Variants in TMEM132C observed in about 807,000 individuals in gnomAD.
The protein encoded by TMEM132C is transmembrane protein 132C.
TMEM132C carries 29 observed loss-of-function variants against 61.4 expected under a neutral mutation model. The ratio of observed to expected loss-of-function variants is 0.47; its 90% confidence interval spans 0.35 to 0.64. The LOEUF is 0.64. Among genes scored for constraint, TMEM132C ranks in the 30% least tolerant of loss-of-function variants. The pLI is 0.00. For missense variants in TMEM132C, 1,408 were observed against 1,476.9 expected, an observed-to-expected ratio of 0.95 and a Z score of 0.76; for synonymous variants, 656 against 633.1, an observed-to-expected ratio of 1.04 and a Z score of -0.54.
At chr12:128,475,741 CAG>C (rs1292985113) in intron 2 of TMEM132C, among the ~76,000 whole-genome samples, 2 of 152,172 alleles carry the variant, frequency 1.3e-5, no homozygotes, top group Non-Finnish European at 2.9e-5. Context: ...TTCATCTGTG[CAG>C]AGTGAACATA....
At chr12:128,399,777 C>CT (rs1023180896) in intron 1 of TMEM132C, among the ~76,000 whole-genome samples, 56 of 145,934 alleles carry the variant, frequency 3.8e-4, no homozygotes, top group South Asian at 1.8e-3. Context: ...AAAACTAAGA[C>CT]TTTTTTTTTT....
intron 4 of TMEM132C, among the ~76,000 whole-genome samples, chr12:128,662,227 A>G (rs1954398555): frequency 6.6e-6 from 1 of 152,160 alleles, no homozygotes; most frequent in African/African-American, 2.4e-5. Flanking sequence ...TCAGAGAGAA[A>G]GAGAGATTGA....
chr12:128,657,580 C>T (rs1033187179), intron 4 of TMEM132C, among the ~76,000 whole-genome samples: 31 of 152,084 alleles, frequency 2.0e-4, no homozygotes, highest in Admixed American at 1.3e-4. Flanking sequence ...GATCCTGGAC[C>T]GTATTATGCA....
At chr12:128,616,014 C>T (rs1876787908) in intron 3 of TMEM132C, 138 bp from the exon 4 acceptor site, 1 of 1,041,490 alleles carries the variant, frequency 9.6e-7, no homozygotes, top group Non-Finnish European at 1.4e-6. Context: ...TGGTTCCATG[C>T]CCCAGGATCC....
chr12:128,487,610 T>G (rs979907664), intron 2 of TMEM132C, among the ~76,000 whole-genome samples: 3 of 137,640 alleles, frequency 2.2e-5, no homozygotes, highest in Admixed American at 7.0e-5. Flanking sequence ...TGGGTATATA[T>G]ATATATATAT....
intron 3 of TMEM132C, among the ~76,000 whole-genome samples, chr12:128,564,162 C>T (rs1005246167): frequency 5.9e-5 from 9 of 152,264 alleles, no homozygotes; most frequent in African/African-American, 1.9e-4. Flanking sequence ...CTCATAAGGA[C>T]GTGAGTCCTA....
rs534721977 is a variant in TMEM132C at position 128,705,689 on chromosome 12, G to C, written c.2721G>C (p.Gly907=). The C allele has an allele frequency of 1.3e-6, 2 of 1,551,462 alleles. No individual in the cohort carries two copies. The highest frequency in any genetic ancestry group is 2.0e-5 in the Admixed American group (1 of 51,008). ...TGGACCTCCCCAAGGCCGGGAGTGG[G>C]CTGGAGGAAAACGACCTGGTGCAGA... ...AHVDLPKAGS[G]LEENDLVQTP... Residue 907 remains glycine, a synonymous_variant, in exon 9 of 9, where the codon GGG becomes GGC. Coordinates refer to ENST00000435159, the MANE Select transcript of TMEM132C (RefSeq NM_001136103.3).
Position 128,321,138 on chromosome 12 carries a change from A to AAATAAT in TMEM132C, c.85+53688_85+53693dup, listed in dbSNP as rs58166037. 4.1e-3 allele frequency among the ~76,000 whole-genome samples: 588 copies of AAATAAT among 143,758 alleles called. 4 individuals carry two copies. The highest frequency in any genetic ancestry group is 8.4e-3 in the South Asian group (38 of 4,518). The allele number at this position is 143,758 out of a possible 152,430, so 94.3% of individuals were successfully genotyped here. On this transcript the variant is annotated intron_variant, in intron 1 of 8. Coordinates refer to ENST00000435159, the MANE Select transcript of TMEM132C (RefSeq NM_001136103.3). ...CCCTGTCCAGGCTGCCATTTTTGAAAAATAATAATAATAATAATAATAATA... is the reference window on the plus strand; with the variant it reads ...CCCTGTCCAGGCTGCCATTTTTGAAAAATAATAATAATAATAATAATAATAATAATA...
intron 4 of TMEM132C, among the ~76,000 whole-genome samples, chr12:128,654,328 A>C (rs866477894): frequency 1.3e-5 from 2 of 152,130 alleles, no homozygotes; most frequent in Middle Eastern, 3.2e-3. Flanking sequence ...GCAGGGTTGC[A>C]GGCAAACCCC....
In TMEM132C at chr12:128,388,146, A is replaced by G. The variant is rs545979253; in HGVS notation, c.86-26586A>G. Among the ~76,000 whole-genome samples the G allele has an allele frequency of 1.3e-3, 201 of 152,316 alleles. 1 individual carries two copies. Among genetic ancestry groups the G allele is most frequent in the African/African-American group, 4.6e-3 (191 of 41,580 alleles). On this transcript the variant is annotated intron_variant, in intron 1 of 8. Transcript: ENST00000435159. ...TGGGCCAGTGGCTTCCTCTTCTGGG[A>G]TCCGTGGTGTCAGTGTGGAGAGAGG... is the stretch of plus-strand genomic sequence containing the variant.
intron 1 of TMEM132C, among the ~76,000 whole-genome samples, chr12:128,348,309 G>A (rs930151425): frequency 6.6e-6 from 1 of 152,210 alleles, no homozygotes; most frequent in Admixed American, 6.5e-5. Flanking sequence ...GAATTCAAGT[G>A]TAAGCTGTAA....
chr12:128,655,914 G>A lies in TMEM132C; in HGVS notation c.1306-13503G>A, dbSNP rs776718791. On this transcript the variant is annotated intron_variant, in intron 4 of 8. Coordinates refer to ENST00000435159, the MANE Select transcript of TMEM132C (RefSeq NM_001136103.3). Reference sequence around the variant, plus strand: ...GCCTTAAGTTTGGCTGAGAATAACCGAAAACCTTCAAAACCTCTAGGTGAA... The same window carrying A: ...GCCTTAAGTTTGGCTGAGAATAACCAAAAACCTTCAAAACCTCTAGGTGAA... 2.3e-4 allele frequency among the ~76,000 whole-genome samples: 35 copies of A among 152,116 alleles called. 1 individual carries two copies. The highest frequency in any genetic ancestry group is 1.2e-3 in the South Asian group (6 of 4,822).
chr12:128,479,627 G>A lies in TMEM132C; in HGVS notation c.974+64007G>A, dbSNP rs146529621. Among the ~76,000 whole-genome samples the A allele has an allele frequency of 5.1e-3, 778 of 152,290 alleles. 6 individuals are homozygous for A. The highest frequency in any genetic ancestry group is 0.017 in the African/African-American group (697 of 41,562). On this transcript the variant is annotated intron_variant, in intron 2 of 8. Transcript: ENST00000435159. ...GCCTTCACACTCCAGTGGCAGAGTT[G>A]AGCAGTTGCAAGAGACTGCATGGCC...
intron 1 of TMEM132C, among the ~76,000 whole-genome samples, chr12:128,386,609 G>A (rs1218983246): frequency 3.3e-5 from 5 of 152,208 alleles, no homozygotes; most frequent in African/African-American, 1.2e-4. Flanking sequence ...TCTCGTGGCA[G>A]TACCCACTCT....
At chr12:128,441,861 G>T (rs369210247) in intron 2 of TMEM132C, among the ~76,000 whole-genome samples, 1 of 152,154 alleles carries the variant, frequency 6.6e-6, no homozygotes, top group Non-Finnish European at 1.5e-5. Flanking sequence ...AATTAGCCAG[G>T]TGTGGTGGTG....
At chr12:128,666,100 T>G (rs1367563793) in intron 4 of TMEM132C, among the ~76,000 whole-genome samples, 2 of 65,466 alleles carry the variant, frequency 3.1e-5, no homozygotes, top group East Asian at 4.9e-4. Context: ...CAGGCACACA[T>G]ACCCATAAAC....
rs7957191 is a variant in TMEM132C, at chr12:128,303,723, C to T, written c.85+36236C>T. 4.6e-3 allele frequency among the ~76,000 whole-genome samples: 694 copies of T among 152,260 alleles called. 3 individuals carry two copies. Among genetic ancestry groups the T allele is most frequent in the African/African-American group, 0.016 (665 of 41,536 alleles). ...TAGGCTTGACATTTTTCAGCTCTTA[C>T]CATCAAAAGGTAGAGTCTTATTTTT... On this transcript the variant is annotated intron_variant, in intron 1 of 8. Transcript: ENST00000435159.
chr12:128,303,760 A>G (rs1008341091), intron 1 of TMEM132C, among the ~76,000 whole-genome samples: 2 of 152,122 alleles, frequency 1.3e-5, no homozygotes, highest in African/African-American at 4.8e-5. Flanking sequence ...TACCTCTTGC[A>G]TGCAGCAGGC....
chr12:128,673,479 G>A (rs549309700), intron 5 of TMEM132C, among the ~76,000 whole-genome samples: 40 of 152,348 alleles, frequency 2.6e-4, no homozygotes, highest in Non-Finnish European at 5.6e-4. Context: ...CCTGACTTAA[G>A]ACAGGCAGGA....
Sources: gnomAD v4.1 joint callset for allele counts (sites outside exome capture counted in the v4.1 genomes callset) on GRCh38, gnomAD v4.1.1 for gene constraint, MANE v1.5 for transcripts, NCBI Gene and HGNC (gene_info 2026-07-23, HGNC 2026-07-21) for gene names.